The following RETREG3 variants were observed in gnomAD, a reference collection of about 807,000 sequenced individuals.
The protein encoded by RETREG3 is reticulophagy regulator 3.
A neutral mutation model predicts 50.2 loss-of-function variants in RETREG3; 23 were observed. That is an observed-to-expected ratio of 0.46 (90% CI 0.33 to 0.65). The LOEUF is 0.65. Among genes scored for constraint, RETREG3 ranks in the 30% least tolerant of loss-of-function variants. The probability of loss-of-function intolerance (pLI) is 0.02; values close to 1 mark genes in which losing one functional copy is unlikely to be tolerated. For synonymous variants in RETREG3, 240 were observed against 234.4 expected (o/e 1.02, Z -0.22); for missense variants, 546 against 598.0 (o/e 0.91, Z 0.91).
rs553383066 is a variant in RETREG3 at position 42,580,380 on chromosome 17, T to C, written c.*1433A>G. On this transcript the variant is annotated 3_prime_UTR_variant, in exon 9 of 9. Transcript: ENST00000309428. ...CTACTGTATCATCCCCCATGAATTA[T>C]TGCTTCTCCAAAGGAGGAGCAGAGG... 1.2e-4 allele frequency: 19 copies of C among 152,888 alleles called. No homozygotes were observed. Among genetic ancestry groups the C allele is most frequent in the South Asian group, 6.2e-4 (3 of 4,826 alleles). The allele number at this position is 152,888 out of a possible 1,614,324, so 9.5% of individuals were successfully genotyped here. A position where few individuals can be genotyped will look rare whatever the true frequency, so the allele number is the denominator to read the frequency against.
At chr17:42,583,420 C>G in intron 7 of RETREG3, 78 bp downstream of exon 7, 1 of 1,406,510 alleles carries the variant, frequency 7.1e-7, no homozygotes, top group Non-Finnish European at 9.9e-7. Flanking sequence ...CTGGTTATGG[C>G]CTAAATGTGA....
chr17:42,603,775 A>G (rs916221703), intron 1 of RETREG3, among the ~76,000 whole-genome samples: 1 of 152,156 alleles, frequency 6.6e-6, no homozygotes, highest in African/African-American at 2.4e-5. Context: ...CAGGAGATTG[A>G]GACCATCCTG....
intron 6 of RETREG3, 147 bp from the exon 7 acceptor site, chr17:42,583,727 T>C (rs2093115230): frequency 3.2e-6 from 2 of 615,626 alleles, no homozygotes; most frequent in Non-Finnish European, 2.6e-6. Context: ...AAGGCTGAGC[T>C]GCTGAGCCTA....
Position 42,609,245 on chromosome 17 carries a change from CCTGACA to C in RETREG3, c.74_79del (p.Val25_Ser26del). 1 of 1,607,680 alleles carries C rather than the reference CCTGACA, an allele frequency of 6.2e-7. No homozygotes were observed. Among genetic ancestry groups the C allele is most frequent in the Non-Finnish European group, 8.5e-7 (1 of 1,179,844 alleles). On this transcript the variant is annotated inframe_deletion, in exon 1 of 9. Transcript: ENST00000309428. ...AACCTGCTGGTCCCGCTCCCAGGAGCCTGACACATCTCGGCGGCCCCTGAAAGTCGA... is the reference window on the plus strand; with the variant it reads ...AACCTGCTGGTCCCGCTCCCAGGAGCCATCTCGGCGGCCCCTGAAAGTCGA...
chr17:42,594,963 C>CTTTTT (rs777063995), intron 1 of RETREG3, among the ~76,000 whole-genome samples: 5 of 125,284 alleles, frequency 4.0e-5, no homozygotes, highest in Non-Finnish European at 6.8e-5. Flanking sequence ...TTTTTTTTTA[C>CTTTTT]TTTTTTTTTT....
At chr17:42,582,576 A>C in intron 8 of RETREG3, 98 bp downstream of exon 8, 1 of 1,541,556 alleles carries the variant, frequency 6.5e-7, no homozygotes, top group Non-Finnish European at 8.8e-7. Flanking sequence ...ATAGCTCAGA[A>C]AACAGGAGAG....
intron 1 of RETREG3, among the ~76,000 whole-genome samples, chr17:42,607,392 GT>G (rs1343010000): frequency 6.6e-6 from 1 of 151,294 alleles, no homozygotes; most frequent in Non-Finnish European, 1.5e-5. Flanking sequence ...CCCAGCTATT[GT>G]GGAGGCTGAG....
chr17:42,598,044 C>A (rs573730804), intron 1 of RETREG3, among the ~76,000 whole-genome samples: 41 of 133,532 alleles, frequency 3.1e-4, no homozygotes, highest in African/African-American at 1.2e-3. Flanking sequence ...TACAGTGGTG[C>A]GATCTCGGCT....
intron 1 of RETREG3, among the ~76,000 whole-genome samples, chr17:42,599,618 C>T (rs2093154720): frequency 7.0e-6 from 1 of 142,254 alleles, no homozygotes; most frequent in Non-Finnish European, 1.5e-5. Context: ...TGTGCCATTG[C>T]ATTCCAGCCT....
At chr17:42,586,267 T>TCATCTAAGTGGCAA in intron 4 of RETREG3, 130 bp from the exon 5 acceptor site, 1 of 775,230 alleles carries the variant, frequency 1.3e-6, no homozygotes, top group Admixed American at 2.4e-5. Flanking sequence ...CACTGTTGCA[T>TCATCTAAGTGGCAA]CCAAAGGTGA....
At chr17:42,597,593 A>T (rs1249681224) in intron 1 of RETREG3, among the ~76,000 whole-genome samples, 134 of 6,104 alleles carry the variant, frequency 0.022, 2 homozygotes, top group African/African-American at 0.047. Context: ...ATATATATAT[A>T]TATATATATA....
At chr17:42,587,026 C>G in intron 3 of RETREG3, 135 bp from the exon 4 acceptor site, 1 of 1,207,598 alleles carries the variant, frequency 8.3e-7, no homozygotes, top group African/African-American at 1.5e-5. Context: ...GGAGGTGAAG[C>G]ATGACTTTCT....
chr17:42,583,498 C>G lies in RETREG3; in HGVS notation c.810G>C (p.Gln270His). Residue 270 changes from glutamine to histidine, a missense_variant and splice_region_variant, in exon 7 of 9, where the codon CAG (glutamine) becomes CAC (histidine). Transcript: ENST00000309428. Reference sequence around the variant, plus strand: ...GAAGCAGCTCCCACACTCAAGATACCTGAGGACAGAAGGCAGCAAGCTCCT... The same window carrying G: ...GAAGCAGCTCCCACACTCAAGATACGTGAGGACAGAAGGCAGCAAGCTCCT... ...SEEELAAFCP[Q>H]LDDSTVAREL... 9 of 1,613,366 alleles carry G rather than the reference C, an allele frequency of 5.6e-6. No homozygotes were observed. Among genetic ancestry groups the G allele is most frequent in the Non-Finnish European group, 7.6e-6 (9 of 1,179,550 alleles).
chr17:42,609,118 A>G lies in RETREG3; in HGVS notation c.207T>C (p.Ala69=), dbSNP rs754553151. Residue 69 remains alanine, a synonymous_variant, in exon 1 of 9, where the codon GCT becomes GCC. Coordinates refer to ENST00000309428, the MANE Select transcript of RETREG3 (RefSeq NM_178126.4). ...ALVWERPARS[A]LWCLGLNAAF... ...CCGCGTTCAGCCCCAGGCACCACAG[A>G]GCGCTCCTAGCTGGCCGCTCCCACA... 3 of 1,608,448 alleles carry G rather than the reference A, an allele frequency of 1.9e-6. No homozygotes were observed. Among genetic ancestry groups the G allele is most frequent in the Admixed American group, 3.3e-5 (2 of 59,978 alleles).
At position 42,586,098 on chromosome 17, in the gene RETREG3, C is replaced by T; in HGVS notation, c.544G>A (p.Val182Ile). Residue 182 changes from valine (V) to isoleucine (I), a missense_variant, in exon 5 of 9, where the codon GTC becomes ATC. Coordinates refer to ENST00000309428, the MANE Select transcript of RETREG3 (RefSeq NM_178126.4). ...AGCCCAGGGACGTAGCGGCCCAAGACAGCCAAAAAGGTCAGTATCCCACAG... is the reference window on the plus strand; with the variant it reads ...AGCCCAGGGACGTAGCGGCCCAAGATAGCCAAAAAGGTCAGTATCCCACAG... ...LSCGILTFLA[V>I]LGRYVPGLLL... 6.2e-7 allele frequency: 1 copy of T among 1,614,042 alleles called. No homozygotes were observed. Among genetic ancestry groups the T allele is most frequent in the Non-Finnish European group, 8.5e-7 (1 of 1,180,004 alleles).
chr17:42,602,928 G>A (rs1021844986), intron 1 of RETREG3, among the ~76,000 whole-genome samples: 1 of 152,028 alleles, frequency 6.6e-6, no homozygotes. Context: ...GGGCGACAGT[G>A]AGATCCTGTC....
rs1408673297 is a variant in RETREG3, at chr17:42,599,648, C to T, written c.240-7486G>A. 5.2e-4 allele frequency among the ~76,000 whole-genome samples: 56 copies of T among 106,952 alleles called. 1 individual carries two copies. Among genetic ancestry groups the T allele is most frequent in the Non-Finnish European group, 8.3e-4 (43 of 52,060 alleles). The allele number at this position is 106,952 out of a possible 152,430, so 70.2% of individuals were successfully genotyped here. ...CAGCCTGGGTGACAGAGTAAGGCTC[C>T]GTCTCAAAAAAAAAAAAAAAAAATT... On this transcript the variant is annotated intron_variant, in intron 1 of 8. Transcript: ENST00000309428.
chr17:42,598,713 A>T (rs926023416), intron 1 of RETREG3: 1 of 152,146 alleles, frequency 6.6e-6, no homozygotes, highest in Non-Finnish European at 1.5e-5. Context: ...CTGTCACGTT[A>T]TATCGTGAAC....
intron 1 of RETREG3, among the ~76,000 whole-genome samples, chr17:42,605,443 C>T (rs1279862397): frequency 6.6e-6 from 1 of 152,190 alleles, no homozygotes; most frequent in Non-Finnish European, 1.5e-5. Flanking sequence ...TGTTTGTTAA[C>T]TGAACAGTCA....
Sources: gnomAD v4.1 joint callset for allele counts (sites outside exome capture counted in the v4.1 genomes callset) on GRCh38, gnomAD v4.1.1 for gene constraint, MANE v1.5 for transcripts, NCBI Gene and HGNC (gene_info 2026-07-23, HGNC 2026-07-21) for gene names.